Variants in SIPA1L3 observed in about 807,000 individuals in gnomAD.
SIPA1L3 encodes signal-induced proliferation-associated 1-like protein 3.
Under a neutral mutation model 150.1 loss-of-function variants are expected in SIPA1L3, and 59 were observed. The ratio of observed to expected loss-of-function variants is 0.39; its 90% CI spans 0.32 to 0.49. The LOEUF is 0.49. Ranked by LOEUF, SIPA1L3 falls within the 20% of genes least tolerant of loss-of-function variation. The pLI, the probability that SIPA1L3 is intolerant of heterozygous loss-of-function variation, is 0.86. For synonymous variants in SIPA1L3, 1,070 were observed against 1,077.6 expected (o/e 0.99, Z 0.14); for missense variants, 2,211 against 2,489.5 (o/e 0.89, Z 2.38).
chr19:38,006,334 G>A (rs1967937832), intron 1 of SIPA1L3, among the ~76,000 whole-genome samples: 1 of 152,178 alleles, frequency 6.6e-6, no homozygotes, highest in Non-Finnish European at 1.5e-5. Flanking sequence ...AAGCAGACAG[G>A]GCCAATCATG....
At chr19:37,998,005 G>T (rs1967685999) in intron 1 of SIPA1L3, among the ~76,000 whole-genome samples, 1 of 152,194 alleles carries the variant, frequency 6.6e-6, no homozygotes. Flanking sequence ...GGGCTGCTTG[G>T]ATTCAAATCC....
chr19:37,923,560 T>G (rs1385960352), intron 1 of SIPA1L3, among the ~76,000 whole-genome samples: 1 of 152,156 alleles, frequency 6.6e-6, no homozygotes, highest in African/African-American at 2.4e-5. Context: ...TGGAAGTTGC[T>G]CCAGGTGAGT....
Position 38,198,428 on chromosome 19 carries a change from G to A in SIPA1L3, c.4880G>A (p.Arg1627Gln), listed in dbSNP as rs766027089. The A allele has an allele frequency of 3.1e-5, 49 of 1,592,848 alleles. No individual in the cohort carries two copies. Among genetic ancestry groups the A allele is most frequent in the South Asian group, 1.1e-4 (10 of 88,484 alleles). Reference protein sequence around the residue: ...SASELSLADGRDRPLRRLDPG... With the variant: ...SASELSLADGQDRPLRRLDPG... ...TCGGAGCTCTCGCTGGCTGATGGGC[G>A]GGACCGCCCCCTGCGGCGCCTGGAC... Residue 1627 changes from arginine (R) to glutamine (Q), a missense_variant, in exon 19 of 22, where the codon CGG becomes CAG. By Grantham distance (43) the Arg-to-Gln change is conservative (BLOSUM62 1). Coordinates refer to ENST00000222345, the MANE Select transcript of SIPA1L3 (RefSeq NM_015073.3).
intron 13 of SIPA1L3, among the ~76,000 whole-genome samples, chr19:38,159,413 T>TC (rs1472824238): frequency 6.6e-6 from 1 of 152,080 alleles, no homozygotes; most frequent in Non-Finnish European, 1.5e-5. Context: ...AGTGACCTCC[T>TC]CCCCCTCAGC....
At chr19:38,057,545 T>G (rs1011763945) in intron 2 of SIPA1L3, among the ~76,000 whole-genome samples, 2 of 151,886 alleles carry the variant, frequency 1.3e-5, no homozygotes, top group African/African-American at 4.8e-5. Flanking sequence ...TGAGGTTGGG[T>G]TTTTTGCCTG....
intron 1 of SIPA1L3, among the ~76,000 whole-genome samples, chr19:37,991,713 C>G (rs1478104862): frequency 6.6e-6 from 1 of 152,174 alleles, no homozygotes; most frequent in Non-Finnish European, 1.5e-5. Flanking sequence ...CTCAAGACAG[C>G]CCTGTGACGG....
intron 18 of SIPA1L3, among the ~76,000 whole-genome samples, chr19:38,196,009 T>G (rs1482467168): frequency 6.6e-6 from 1 of 151,990 alleles, no homozygotes; most frequent in Admixed American, 6.6e-5. Context: ...CACCCTTCTC[T>G]GTCCATCTGA....
intron 8 of SIPA1L3, among the ~76,000 whole-genome samples, chr19:38,117,550 C>T (rs974437615): frequency 1.3e-5 from 2 of 151,164 alleles, no homozygotes; most frequent in Non-Finnish European, 2.9e-5. Context: ...CCCCGGGAGG[C>T]GGAGGTTGTG....
chr19:38,108,871 C>T lies in SIPA1L3; in HGVS notation c.2134-1356C>T, dbSNP rs186568496. On this transcript the variant is annotated intron_variant, in intron 7 of 21. Coordinates refer to ENST00000222345, the MANE Select transcript of SIPA1L3 (RefSeq NM_015073.3). The stretch of plus-strand genomic sequence containing the variant: ...GGGCGTGGTGGCGCATGCCTGTAAT[C>T]CCAGCTACTCAGGAGGCTGAGGCAG... 8.2e-4 allele frequency among the ~76,000 whole-genome samples: 125 copies of T among 152,256 alleles called. 3 individuals are homozygous for T. The East Asian group carries it at 0.018, about 22-fold the overall frequency.
At chr19:38,165,825 G>A (rs868671213) in intron 15 of SIPA1L3, among the ~76,000 whole-genome samples, 11 of 152,258 alleles carry the variant, frequency 7.2e-5, no homozygotes, top group South Asian at 6.2e-4. Flanking sequence ...GCAGTGGTGC[G>A]GTCTCAGGCT....
intron 2 of SIPA1L3, among the ~76,000 whole-genome samples, chr19:38,077,642 CTTTTTTCTTTTTCTTTTTCTTTTT>C (rs1379100715): frequency 5.1e-4 from 44 of 86,108 alleles, no homozygotes; most frequent in Admixed American, 1.3e-3. Context: ...GTTGTTTTTT[CTTTTTTCTTTTTCTTTTTCTTTTT>C]TTTTTTTTTT....
intron 1 of SIPA1L3, chr19:37,932,503 G>C (rs1020907516): frequency 6.6e-6 from 1 of 152,258 alleles, no homozygotes; most frequent in Non-Finnish European, 1.5e-5. Context: ...GAGCTGGCAC[G>C]GCAGGTTCCC....
intron 6 of SIPA1L3, among the ~76,000 whole-genome samples, chr19:38,105,848 G>A (rs1445924719): frequency 6.6e-6 from 1 of 152,132 alleles, no homozygotes; most frequent in Admixed American, 6.6e-5. Context: ...CATATCCCAG[G>A]ACACGTGTGC....
chr19:38,101,028 A>G (rs1283358833), intron 5 of SIPA1L3, 24 bp from the exon 6 acceptor site: 1 of 1,512,408 alleles, frequency 6.6e-7, no homozygotes, highest in African/African-American at 1.4e-5. Context: ...GCCTGCCTCC[A>G]CAAAGCCACT....
At chr19:37,930,208 A>G (rs1202831439) in intron 1 of SIPA1L3, among the ~76,000 whole-genome samples, 3 of 151,818 alleles carry the variant, frequency 2.0e-5, no homozygotes, top group Non-Finnish European at 4.4e-5. Flanking sequence ...TTTTTAGTAG[A>G]GACGGGGTTT....
At chr19:38,086,047 T>G (rs139742881) in intron 3 of SIPA1L3, among the ~76,000 whole-genome samples, 1 of 150,412 alleles carries the variant, frequency 6.6e-6, no homozygotes, top group Non-Finnish European at 1.5e-5. Flanking sequence ...GTAGAAAAAC[T>G]CACAACCATA....
At chr19:38,171,056 T>C (rs1362560191) in intron 15 of SIPA1L3, among the ~76,000 whole-genome samples, 3 of 152,180 alleles carry the variant, frequency 2.0e-5, no homozygotes, top group Admixed American at 1.3e-4. Context: ...CATATGTTTT[T>C]TTTTAAGTCT....
At chr19:38,062,919 C>T (rs1214702301) in intron 2 of SIPA1L3, among the ~76,000 whole-genome samples, 1 of 152,290 alleles carries the variant, frequency 6.6e-6, no homozygotes, top group East Asian at 1.9e-4. Flanking sequence ...TTTTTGACAA[C>T]AGATGTTCTC....
chr19:37,907,714 T>C (rs1214553580), intron 1 of SIPA1L3: 1 of 152,162 alleles, frequency 6.6e-6, no homozygotes, highest in East Asian at 1.9e-4. Flanking sequence ...TGAGATAATA[T>C]AATAAAACAT....
Sources: allele counts gnomAD v4.1 joint callset (sites outside exome capture counted in the v4.1 genomes callset), GRCh38; gene constraint gnomAD v4.1.1; transcripts MANE v1.5; gene names NCBI Gene and HGNC (gene_info 2026-07-23, HGNC 2026-07-21).